Variants in NMU observed in about 807,000 individuals in gnomAD.
NMU encodes neuromedin-U.
In NMU, 29 loss-of-function variants were observed where a neutral mutation model predicts 35.4. The observed-to-expected ratio is 0.82, with a 90% confidence interval of 0.61 to 1.12. The LOEUF is 1.12. Ranked by LOEUF, NMU falls within the 50% of genes most tolerant of loss-of-function variation. The pLI is 0.00. For synonymous variants in NMU, 78 were observed against 81.3 expected (o/e 0.96, Z 0.22); for missense variants, 199 against 206.2 (o/e 0.97, Z 0.21).
Position 55,636,198 on chromosome 4 carries a change from C to A in NMU, c.-6G>T. On this transcript the variant is annotated 5_prime_UTR_variant, in exon 1 of 10. Coordinates refer to ENST00000264218, the MANE Select transcript of NMU (RefSeq NM_006681.4). This position sits in a 1 kb window ranked among gnomAD's most constrained non-coding sequence, Gnocchi z 4.0. ...CAGCTCTCTGTTCGCAGCATCTCGGCGGCTGCGGGAGGCTCGGTGCTAGGG... is the reference window on the plus strand; with the variant it reads ...CAGCTCTCTGTTCGCAGCATCTCGGAGGCTGCGGGAGGCTCGGTGCTAGGG... 3 of 1,483,126 alleles carry A rather than the reference C, an allele frequency of 2.0e-6. No individual in the cohort carries two copies. Among genetic ancestry groups the A allele is most frequent in the Non-Finnish European group, 2.7e-6 (3 of 1,125,818 alleles). The allele number at this position is 1,483,126 out of a possible 1,614,324, so 91.9% of individuals were successfully genotyped here.
At chr4:55,613,109 A>C (rs1201252459) in intron 3 of NMU, among the ~76,000 whole-genome samples, 3 of 152,108 alleles carry the variant, frequency 2.0e-5, no homozygotes, top group Non-Finnish European at 4.4e-5. Context: ...ACACGGATGC[A>C]CGTGGGCAAA....
At chr4:55,614,019 T>C (rs751107625) in intron 3 of NMU, among the ~76,000 whole-genome samples, 4 of 152,230 alleles carry the variant, frequency 2.6e-5, no homozygotes, top group Non-Finnish European at 4.4e-5. Flanking sequence ...ACAGTTACTA[T>C]ACATAAGCAC....
At chr4:55,630,498 C>T (rs1734712893) in intron 1 of NMU, 38 bp from the exon 2 acceptor site, 1 of 1,489,274 alleles carries the variant, frequency 6.7e-7, no homozygotes, top group Non-Finnish European at 9.4e-7. Flanking sequence ...AATTTTATAG[C>T]ATTTCTTCTA....
At chr4:55,634,252 C>A (rs1342055796) in intron 1 of NMU, among the ~76,000 whole-genome samples, 2 of 152,124 alleles carry the variant, frequency 1.3e-5, no homozygotes, top group Non-Finnish European at 2.9e-5. Flanking sequence ...CATGGCTATT[C>A]ACCCTCTGCC....
rs1305425980 is a variant in NMU at position 55,618,862 on chromosome 4, CTCTT to C, written c.172-2481_172-2478del. 2.7e-3 allele frequency among the ~76,000 whole-genome samples: 402 copies of C among 146,562 alleles called. 3 individuals carry two copies. Among genetic ancestry groups the C allele is most frequent in the African/African-American group, 9.2e-3 (365 of 39,774 alleles). ...TTCTCTCTCTTTCTTTCTTCTCTCT[CTCTT>C]TCTTTCTTTCTCTCTTTCTTTTTTT... is the stretch of plus-strand genomic sequence containing the variant. On this transcript the variant is annotated intron_variant, in intron 2 of 9. Transcript: ENST00000264218.
At chr4:55,595,684 A>G (rs1733155606) in intron 9 of NMU, among the ~76,000 whole-genome samples, 1 of 140,058 alleles carries the variant, frequency 7.1e-6, no homozygotes. Flanking sequence ...TCTGTTGCCC[A>G]GGTTGGAGTG....
At chr4:55,618,385 C>T (rs192897953) in intron 2 of NMU, among the ~76,000 whole-genome samples, 5 of 152,126 alleles carry the variant, frequency 3.3e-5, no homozygotes, top group Admixed American at 1.3e-4. Flanking sequence ...CCAACACCCC[C>T]GACAGGCTCC....
chr4:55,611,875 C>G (rs1733947445), intron 3 of NMU, among the ~76,000 whole-genome samples: 1 of 152,136 alleles, frequency 6.6e-6, no homozygotes, highest in Non-Finnish European at 1.5e-5. Flanking sequence ...CATGACTATA[C>G]GTAATTTGTA....
chr4:55,604,679 A>ATTTTTTTTTTTTT lies in NMU; in HGVS notation c.435+583_435+595dup, dbSNP rs767568542. Among the ~76,000 whole-genome samples, 279 of 47,610 alleles carry ATTTTTTTTTTTTT rather than the reference A, an allele frequency of 5.9e-3. 22 individuals are homozygous for ATTTTTTTTTTTTT. Among genetic ancestry groups the ATTTTTTTTTTTTT allele is most frequent in the African/African-American group, 0.012 (103 of 8,584 alleles). 31.2% of individuals were successfully genotyped at this position (47,610 alleles called of 152,430 possible). A position where few individuals can be genotyped will look rare whatever the true frequency, so the allele number is the denominator to read the frequency against. The stretch of plus-strand genomic sequence containing the variant: ...AGGCATGCGCCAATATGCCTGGCTA[A>ATTTTTTTTTTTTT]TTTTTTTTTTTTTTTTTTTTTTTTT... On this transcript the variant is annotated intron_variant, in intron 7 of 9. Transcript: ENST00000264218.
At chr4:55,619,811 G>C (rs1320768129) in intron 2 of NMU, among the ~76,000 whole-genome samples, 3 of 145,724 alleles carry the variant, frequency 2.1e-5, no homozygotes, top group Non-Finnish European at 4.5e-5. Context: ...CACGCAGCTG[G>C]AGATCTGAGA....
intron 3 of NMU, 57 bp downstream of exon 3, chr4:55,616,281 A>T: frequency 8.3e-7 from 1 of 1,209,468 alleles, no homozygotes; most frequent in Non-Finnish European, 1.2e-6. Flanking sequence ...AGCAATGGAG[A>T]GTTTAAGCAC....
intron 3 of NMU, among the ~76,000 whole-genome samples, chr4:55,611,458 T>G (rs1733928111): frequency 6.6e-6 from 1 of 152,196 alleles, no homozygotes; most frequent in Non-Finnish European, 1.5e-5. Flanking sequence ...TAAATAAATT[T>G]AACGCAGCCT....
rs773420884 is a variant in NMU, at chr4:55,613,338, T to C, written c.219+3000A>G. 1.3e-5 allele frequency among the ~76,000 whole-genome samples: 2 copies of C among 152,112 alleles called. 1 individual carries two copies. The highest frequency in any genetic ancestry group is 2.9e-5 in the Non-Finnish European group (2 of 68,014). Reference sequence around the variant, plus strand: ...AATTATTTAGGTTCTGTAGGCTCTATCAAGGGATTTTGATACTATTCTAAT... The same window carrying C: ...AATTATTTAGGTTCTGTAGGCTCTACCAAGGGATTTTGATACTATTCTAAT... On this transcript the variant is annotated intron_variant, in intron 3 of 9. Transcript: ENST00000264218.
intron 2 of NMU, among the ~76,000 whole-genome samples, chr4:55,626,217 T>G (rs1419196253): frequency 6.6e-6 from 1 of 152,266 alleles, no homozygotes; most frequent in Non-Finnish European, 1.5e-5. Flanking sequence ...GTCCCAATTT[T>G]CATTTCATTG....
Position 55,605,319 on chromosome 4 carries a change from C to T in NMU, c.391G>A (p.Val131Ile), listed in dbSNP as rs765192960. The T allele has an allele frequency of 7.6e-5, 122 of 1,613,614 alleles. 1 individual carries two copies. The highest frequency in any genetic ancestry group is 6.8e-4 in the South Asian group (62 of 91,080). ...ATTCTTCTCTCATGCAGGTGAGGAA[C>T]GAGCTGCAGCAACGGATGCACAACT... ...SSVVHPLLQLVPHLHERRMKR... is the reference protein window; with the variant it reads ...SSVVHPLLQLIPHLHERRMKR... Residue 131 changes from valine to isoleucine, a missense_variant, in exon 7 of 10, where the codon GTT (valine) becomes ATT (isoleucine). Val to Ile is a conservative substitution (Grantham distance 29). Transcript: ENST00000264218.
intron 7 of NMU, among the ~76,000 whole-genome samples, chr4:55,603,939 A>ATATGTATATATGTGTATATATATACG (rs1560513422): frequency 3.1e-4 from 20 of 63,840 alleles, no homozygotes; most frequent in African/African-American, 1.2e-3. Flanking sequence ...ATATATATAT[A>ATATGTATATATGTGTATATATATACG]TATATATGTA....
At chr4:55,630,491 T>C (rs1478806866) in intron 1 of NMU, 31 bp from the exon 2 acceptor site, 1 of 1,526,154 alleles carries the variant, frequency 6.6e-7, no homozygotes, top group South Asian at 1.1e-5. Flanking sequence ...ACAGATTAAT[T>C]TTATAGCATT....
chr4:55,631,583 T>A (rs1382951976), intron 1 of NMU, among the ~76,000 whole-genome samples: 1 of 152,018 alleles, frequency 6.6e-6, no homozygotes, highest in Admixed American at 6.6e-5. Context: ...GCATCACTAA[T>A]CATCAGGGAA....
chr4:55,598,548 TGTGGGAACAG>T (rs1358760043), intron 9 of NMU, among the ~76,000 whole-genome samples: 1 of 152,204 alleles, frequency 6.6e-6, no homozygotes. Flanking sequence ...TTATTAAACA[TGTGGGAACAG>T]TCAACAGCTA....
Sources: allele counts gnomAD v4.1 joint callset (sites outside exome capture counted in the v4.1 genomes callset), GRCh38; gene constraint gnomAD v4.1.1; non-coding constraint Gnocchi (gnomAD v3.1); transcripts MANE v1.5; gene names NCBI Gene and HGNC (gene_info 2026-07-23, HGNC 2026-07-21).